The following NAV3 variants were observed in gnomAD, a reference collection of about 807,000 sequenced individuals.
The protein encoded by NAV3 is neuron navigator 3.
NAV3 carries 87 observed loss-of-function variants against 244.7 expected under a neutral mutation model. The ratio of observed to expected loss-of-function variants is 0.36; its 90% confidence interval spans 0.30 to 0.42. The LOEUF is 0.42. NAV3 is among the 20% of genes least tolerant of loss of function. The pLI, the probability that NAV3 is intolerant of heterozygous loss-of-function variation, is 1.00. For synonymous variants in NAV3, 1,126 were observed against 1,042.2 expected (o/e 1.08, Z -1.55); for missense variants, 2,663 against 2,893.3 (o/e 0.92, Z 1.83).
intron 1 of NAV3, among the ~76,000 whole-genome samples, chr12:77,865,920 T>C (rs964202088): frequency 6.6e-6 from 1 of 152,028 alleles, no homozygotes; most frequent in Non-Finnish European, 1.5e-5. Flanking sequence ...CAACATACTT[T>C]TAAAAAAATG....
chr12:77,665,990 C>G (rs1220676440), intron 2 of NAV3, among the ~76,000 whole-genome samples: 1 of 152,072 alleles, frequency 6.6e-6, no homozygotes, highest in Non-Finnish European at 1.5e-5. Context: ...AGGATAAACT[C>G]TTTTTGACAG....
chr12:78,082,942 A>G (rs563807403), intron 12 of NAV3, among the ~76,000 whole-genome samples: 26 of 152,216 alleles, frequency 1.7e-4, no homozygotes, highest in Admixed American at 4.6e-4. Context: ...TTAAATGTCT[A>G]CTTTCATCAT....
intron 12 of NAV3, among the ~76,000 whole-genome samples, chr12:78,090,257 A>C (rs1246466281): frequency 6.7e-6 from 1 of 149,292 alleles, no homozygotes. Context: ...CAAATTTTAT[A>C]TATATATAAT....
intron 2 of NAV3, among the ~76,000 whole-genome samples, chr12:77,682,068 T>C (rs935301745): frequency 4.6e-5 from 7 of 152,074 alleles, no homozygotes; most frequent in Non-Finnish European, 8.8e-5. Context: ...TGATGATAGA[T>C]CCCTTGAGCT....
intron 8 of NAV3, among the ~76,000 whole-genome samples, chr12:78,020,854 G>A (rs550395493): frequency 1.3e-5 from 2 of 152,006 alleles, no homozygotes; most frequent in South Asian, 4.2e-4. Flanking sequence ...GAAAAAAAAA[G>A]GGTAGAAGTA....
At chr12:77,583,404 T>C (rs985904202) in intron 2 of NAV3, among the ~76,000 whole-genome samples, 1 of 152,222 alleles carries the variant, frequency 6.6e-6, no homozygotes, top group African/African-American at 2.4e-5. Flanking sequence ...ACACCTTGTA[T>C]GTACATGTTA....
chr12:78,053,264 A>G (rs1355043877), intron 11 of NAV3, among the ~76,000 whole-genome samples: 1 of 151,216 alleles, frequency 6.6e-6, no homozygotes, highest in Non-Finnish European at 1.5e-5. Context: ...ATGTATATGT[A>G]TGTGTATGTA....
Position 78,190,193 on chromosome 12 carries a change from T to A in NAV3, c.6265T>A (p.Phe2089Ile). 1 of 1,612,396 alleles carries A rather than the reference T, an allele frequency of 6.2e-7. No homozygotes were observed. The highest frequency in any genetic ancestry group is 1.1e-5 in the South Asian group (1 of 91,014). ...AAAAACAGAGGATGCAATTGCCACT[T>A]TTAATGTGGACCACAAGTCAAGTAA... ...RKKTEDAIAT[F>I]NVDHKSSKEL... Residue 2089 changes from phenylalanine (F) to isoleucine (I), a missense_variant, in exon 34 of 40, where the codon TTT (phenylalanine) becomes ATT (isoleucine). Physicochemically the swap from Phe to Ile is conservative, Grantham distance 21. This residue lies in a region of NAV3 where 543 missense variants were observed against 672.4 expected (regional missense o/e 0.81). Transcript: ENST00000397909.
chr12:77,803,955 A>T (rs906393899), intron 2 of NAV3, among the ~76,000 whole-genome samples: 3 of 152,060 alleles, frequency 2.0e-5, no homozygotes, highest in African/African-American at 7.2e-5. Context: ...CATATCCTTC[A>T]CCCACGTTTT....
chr12:77,880,485 G>A (rs773860538), intron 1 of NAV3, among the ~76,000 whole-genome samples: 1 of 152,054 alleles, frequency 6.6e-6, no homozygotes, highest in African/African-American at 2.4e-5. Context: ...CTAATCACTG[G>A]ACGCCATCAG....
intron 2 of NAV3, among the ~76,000 whole-genome samples, chr12:77,813,199 A>C (rs892072850): frequency 2.6e-5 from 4 of 152,194 alleles, no homozygotes; most frequent in Non-Finnish European, 4.4e-5. Flanking sequence ...ACATACAAGC[A>C]AGGAACCTAT....
chr12:77,688,356 C>T (rs1199276793), intron 2 of NAV3, among the ~76,000 whole-genome samples: 1 of 152,002 alleles, frequency 6.6e-6, no homozygotes, highest in Non-Finnish European at 1.5e-5. Context: ...ACACATTCTA[C>T]CCTATGCCAC....
chr12:77,869,035 A>T (rs1230207085), intron 1 of NAV3, among the ~76,000 whole-genome samples: 4 of 104,200 alleles, frequency 3.8e-5, no homozygotes, highest in African/African-American at 1.3e-4. Flanking sequence ...TCGAGGTAAA[A>T]AACAAACAAA....
At chr12:77,947,678 A>G (rs917416110) in intron 3 of NAV3, 1 of 152,008 alleles carries the variant, frequency 6.6e-6, no homozygotes, top group Non-Finnish European at 1.5e-5. Context: ...GTTCTGATCT[A>G]TAAAGAAATA....
intron 9 of NAV3, among the ~76,000 whole-genome samples, chr12:78,038,145 C>T (rs1171241661): frequency 6.6e-6 from 1 of 152,138 alleles, no homozygotes; most frequent in Non-Finnish European, 1.5e-5. Flanking sequence ...TAGTTTGTGA[C>T]TAAACTTTAA....
intron 2 of NAV3, among the ~76,000 whole-genome samples, chr12:77,664,529 C>T (rs1873626732): frequency 6.6e-6 from 1 of 152,102 alleles, no homozygotes; most frequent in South Asian, 2.1e-4. Flanking sequence ...TAATGACAAA[C>T]ATGTTCTAGG....
chr12:77,919,428 T>G (rs1887489448), intron 1 of NAV3, among the ~76,000 whole-genome samples: 1 of 152,076 alleles, frequency 6.6e-6, no homozygotes, highest in South Asian at 2.1e-4. Flanking sequence ...GGTATCCAGC[T>G]TAACTTCTGA....
At chr12:77,999,190 A>G (rs769916783) in intron 7 of NAV3, among the ~76,000 whole-genome samples, 1 of 152,226 alleles carries the variant, frequency 6.6e-6, no homozygotes, top group Non-Finnish European at 1.5e-5. Flanking sequence ...TGTGTAGTTT[A>G]CACCTCAATC....
At chr12:78,115,862 C>G (rs1224655578) in intron 12 of NAV3, among the ~76,000 whole-genome samples, 1 of 152,132 alleles carries the variant, frequency 6.6e-6, no homozygotes, top group Non-Finnish European at 1.5e-5. Context: ...ATGATGTTCT[C>G]ACAATGAACA....
Sources: gnomAD v4.1 joint callset for allele counts (sites outside exome capture counted in the v4.1 genomes callset) on GRCh38, gnomAD v4.1.1 for gene constraint, gnomAD v4.1.1 regional missense constraint, MANE v1.5 for transcripts, NCBI Gene and HGNC (gene_info 2026-07-23, HGNC 2026-07-21) for gene names.